The following TXN variants were observed in gnomAD, a reference collection of about 807,000 sequenced individuals.
TXN encodes thioredoxin, also known as ADF.
TXN carries 10 observed loss-of-function variants against 16.5 expected under a neutral mutation model. The observed-to-expected ratio is 0.61, with a 90% CI of 0.37 to 1.03. The LOEUF (loss-of-function observed/expected upper bound fraction) is 1.03, where lower values mean the gene tolerates loss of function less well. Ranked by LOEUF, TXN falls within the 50% of genes least tolerant of loss-of-function variation. The pLI is 0.01. For synonymous variants in TXN, 35 were observed against 39.4 expected, an observed-to-expected ratio of 0.89 and a Z score of 0.42; for missense variants, 71 against 122.5, an observed-to-expected ratio of 0.58 and a Z score of 1.98.
chr9:110,256,499 C>G lies in TXN; in HGVS notation c.-64G>C. The G allele has an allele frequency of 6.4e-7, 1 of 1,552,042 alleles. No individual in the cohort carries two copies. The highest frequency in any genetic ancestry group is 8.8e-7 in the Non-Finnish European group (1 of 1,140,134). ...ATGGAAATGGATCCAAAGCACCAAA[C>G]AGAGCTTCAAGACTCGCTGCTTGCT... is the stretch of plus-strand genomic sequence containing the variant. On this transcript the variant is annotated 5_prime_UTR_variant, in exon 1 of 5. Coordinates refer to ENST00000374517, the MANE Select transcript of TXN (RefSeq NM_003329.4). This position sits in a 1 kb window ranked among gnomAD's most constrained non-coding sequence, Gnocchi z 4.2.
At position 110,256,402 on chromosome 9, in the gene TXN, T is replaced by G. The variant is rs1837811059; in HGVS notation, c.24+10A>C. 1 of 1,602,772 alleles carries G rather than the reference T, an allele frequency of 6.2e-7. No homozygotes were observed. Among genetic ancestry groups the G allele is most frequent in the Non-Finnish European group, 8.5e-7 (1 of 1,174,522 alleles). ...GCGCCGGCACCCTGGCCTTCCCCGG[T>G]AGCGCGTACCTTGCTCTCGATCTGC... is the stretch of plus-strand genomic sequence containing the variant. On this transcript the variant is annotated intron_variant, in intron 1 of 4. Transcript: ENST00000374517. This position sits in a 1 kb window ranked among gnomAD's most constrained non-coding sequence, Gnocchi z 4.2.
Position 110,250,811 on chromosome 9 carries a change from G to A in TXN, c.189+9C>T, listed in dbSNP as rs762581565. 4 of 1,604,146 alleles carry A rather than the reference G, an allele frequency of 2.5e-6. No homozygotes were observed. In the Admixed American group the frequency reaches 6.8e-5, roughly 27 times the overall value. Reference sequence around the variant, plus strand: ...AGCTCAGCAGTATCTCATATTTCCAGCTACATACCTGACAGTCATCCACAT... The same window carrying A: ...AGCTCAGCAGTATCTCATATTTCCAACTACATACCTGACAGTCATCCACAT... On this transcript the variant is annotated intron_variant, in intron 3 of 4. Coordinates refer to ENST00000374517, the MANE Select transcript of TXN (RefSeq NM_003329.4).
intron 3 of TXN, among the ~76,000 whole-genome samples, chr9:110,247,537 G>A (rs753662385): frequency 1.3e-5 from 2 of 152,138 alleles, no homozygotes; most frequent in Non-Finnish European, 2.9e-5. Context: ...ATGGGTTAAT[G>A]TCATAGCCCA....
At chr9:110,246,393 T>C (rs1416410997) in intron 3 of TXN, among the ~76,000 whole-genome samples, 1 of 152,154 alleles carries the variant, frequency 6.6e-6, no homozygotes, top group Non-Finnish European at 1.5e-5. Flanking sequence ...ACTCTTATAA[T>C]ACCCCATGCT....
At position 110,247,644 on chromosome 9, in the gene TXN, T is replaced by TTTAC. The variant is rs1837676324; in HGVS notation, c.190-2805_190-2802dup. On this transcript the variant is annotated intron_variant, in intron 3 of 4. Transcript: ENST00000374517. ...TGCGGAATAGCCATTCTTTTGTTCC[T>TTTAC]TTACTTTCTTAATAAACTTGCTTTC... 3.3e-5 allele frequency among the ~76,000 whole-genome samples: 5 copies of TTTAC among 152,360 alleles called. No homozygotes were observed. In the South Asian group the frequency reaches 1.0e-3, roughly 32 times the overall value.
chr9:110,250,534 T>C (rs575155986), intron 3 of TXN, among the ~76,000 whole-genome samples: 1 of 152,340 alleles, frequency 6.6e-6, no homozygotes, highest in East Asian at 1.9e-4. Context: ...CTCCATTTAT[T>C]GCACATCTCA....
At chr9:110,246,364 T>A (rs1231743291) in intron 3 of TXN, among the ~76,000 whole-genome samples, 3 of 152,180 alleles carry the variant, frequency 2.0e-5, no homozygotes, top group Non-Finnish European at 4.4e-5. Context: ...ATTCCTCAAC[T>A]GTGGAATGCT....
intron 4 of TXN, among the ~76,000 whole-genome samples, chr9:110,244,573 A>G (rs1485306585): frequency 6.6e-6 from 1 of 152,182 alleles, no homozygotes; most frequent in African/African-American, 2.4e-5. Context: ...TGATATAAAT[A>G]GGACTAGTTC....
At chr9:110,250,943 C>T (rs1837725776) in intron 2 of TXN, 64 bp from the exon 3 acceptor site, 1 of 1,184,376 alleles carries the variant, frequency 8.4e-7, no homozygotes, top group Non-Finnish European at 1.2e-6. Context: ...TCAACATACC[C>T]AAGCTTCTTA....
intron 3 of TXN, among the ~76,000 whole-genome samples, chr9:110,247,060 T>C (rs1837668169): frequency 6.6e-6 from 1 of 152,184 alleles, no homozygotes; most frequent in African/African-American, 2.4e-5. Flanking sequence ...CGGTAGCTCA[T>C]GCCTCTAATC....
intron 3 of TXN, among the ~76,000 whole-genome samples, 194 bp downstream of exon 3, chr9:110,250,626 T>C (rs527887802): frequency 2.0e-5 from 3 of 152,360 alleles, no homozygotes; most frequent in African/African-American, 7.2e-5. Context: ...TTTTGTTTAC[T>C]TTAGGATGTG....
intron 2 of TXN, 30 bp downstream of exon 2, chr9:110,251,328 C>T: frequency 6.6e-7 from 1 of 1,522,502 alleles, no homozygotes; most frequent in South Asian, 1.1e-5. Flanking sequence ...ACACAAATCT[C>T]TTACAAAGCA....
chr9:110,255,756 C>A (rs1010717824), intron 1 of TXN, among the ~76,000 whole-genome samples: 6 of 152,214 alleles, frequency 3.9e-5, no homozygotes, highest in Admixed American at 3.9e-4. Context: ...TCTCCAGCCG[C>A]AATCCGCCCC....
Position 110,250,836 on chromosome 9 carries a change from T to G in TXN, c.173A>C (p.Asp58Ala). Residue 58 changes from aspartate to alanine, a missense_variant, in exon 3 of 5, where the codon GAT (aspartate) becomes GCT (alanine). Coordinates refer to ENST00000374517, the MANE Select transcript of TXN (RefSeq NM_003329.4). ...KYSNVIFLEV[D>A]VDDCQDVASE... ...GCTACATACCTGACAGTCATCCACA[T>G]CTACTTCAAGGAATATCACGTTGGA... The G allele has an allele frequency of 1.2e-6, 2 of 1,609,916 alleles. No individual in the cohort carries two copies. Among genetic ancestry groups the G allele is most frequent in the Non-Finnish European group, 1.7e-6 (2 of 1,178,910 alleles).
At chr9:110,255,014 C>A (rs777648070) in intron 1 of TXN, among the ~76,000 whole-genome samples, 7 of 152,180 alleles carry the variant, frequency 4.6e-5, no homozygotes, top group African/African-American at 1.7e-4. Flanking sequence ...AAATGAGAAT[C>A]CCACTAAGAA....
At chr9:110,244,250 C>CGTAGCACT (rs753160359) in intron 4 of TXN, 31 bp from the exon 5 acceptor site, 2 of 1,419,910 alleles carry the variant, frequency 1.4e-6, no homozygotes, top group Non-Finnish European at 1.9e-6. Flanking sequence ...TGACATTAGA[C>CGTAGCACT]GTAGCACTGT....
intron 1 of TXN, among the ~76,000 whole-genome samples, chr9:110,252,289 C>G (rs529353528): frequency 7.0e-6 from 1 of 143,018 alleles, no homozygotes; most frequent in Middle Eastern, 3.4e-3. Flanking sequence ...GTGGACCATA[C>G]GAAAATCTAA....
chr9:110,251,585 CCAAAA>C, intron 1 of TXN, 123 bp from the exon 2 acceptor site: 5 of 21,202 alleles, frequency 2.4e-4, no homozygotes, highest in South Asian at 2.5e-3. Context: ...TACTTTTTAG[CCAAAA>C]AAAAAAAAAA....
At chr9:110,248,436 A>T (rs1359172284) in intron 3 of TXN, among the ~76,000 whole-genome samples, 1 of 152,218 alleles carries the variant, frequency 6.6e-6, no homozygotes, top group Non-Finnish European at 1.5e-5. Context: ...AACTGCCTAC[A>T]GTATTCAGTA....
Sources: allele counts gnomAD v4.1 joint callset (sites outside exome capture counted in the v4.1 genomes callset), GRCh38; gene constraint gnomAD v4.1.1; non-coding constraint Gnocchi (gnomAD v3.1); transcripts MANE v1.5; gene names NCBI Gene and HGNC (gene_info 2026-07-23, HGNC 2026-07-21).